CNTNAP2: variants seen among roughly 807,000 people sequenced by gnomAD.
CNTNAP2 encodes contactin associated protein 2, also known as contactin-associated protein-like 2.
A neutral mutation model predicts 155.2 loss-of-function variants in CNTNAP2; 98 were observed. The ratio of observed to expected loss-of-function variants is 0.63; its 90% CI spans 0.54 to 0.75. The LOEUF (loss-of-function observed/expected upper bound fraction) is 0.75. Among genes scored for constraint, CNTNAP2 ranks in the 30% least tolerant of loss-of-function variants. CNTNAP2 has a pLI of 0.00. For missense variants in CNTNAP2, 1,727 were observed against 1,688.1 expected, an observed-to-expected ratio of 1.02 and a Z score of -0.40; for synonymous variants, 651 against 631.2, an observed-to-expected ratio of 1.03 and a Z score of -0.47.
rs577018453 is a variant in CNTNAP2 at position 147,307,190 on chromosome 7, C to T, written c.1498+6900C>T. On this transcript the variant is annotated intron_variant, in intron 9 of 23. Coordinates refer to ENST00000361727, the MANE Select transcript of CNTNAP2 (RefSeq NM_014141.6). ...GAAGAGAACACCACTGGCACCCCAT[C>T]GATATACATTAAATCCCTTAGCAGC... 5.3e-5 allele frequency among the ~76,000 whole-genome samples: 8 copies of T among 152,234 alleles called. No individual in the cohort carries two copies. In the South Asian group the frequency reaches 1.7e-3, roughly 32 times the overall value.
intron 1 of CNTNAP2, among the ~76,000 whole-genome samples, chr7:146,394,770 G>A (rs1639478): frequency 0.13 from 20,409 of 151,874 alleles, 1,664 homozygotes; most frequent in African/African-American, 0.23. Context: ...TTATAGATTT[G>A]GAGGTACAAG....
At chr7:147,074,869 A>C (rs1799965667) in intron 4 of CNTNAP2, among the ~76,000 whole-genome samples, 1 of 152,208 alleles carries the variant, frequency 6.6e-6, no homozygotes. Flanking sequence ...CTATGTTAAT[A>C]GCTGTGCTTG....
chr7:146,194,440 C>T (rs1461974503), intron 1 of CNTNAP2, among the ~76,000 whole-genome samples: 1 of 152,082 alleles, frequency 6.6e-6, no homozygotes, highest in African/African-American at 2.4e-5. Flanking sequence ...TTTATAAAAC[C>T]ATCATATCTT....
intron 21 of CNTNAP2, among the ~76,000 whole-genome samples, chr7:148,361,930 C>T (rs1257713251): frequency 2.6e-5 from 4 of 152,122 alleles, no homozygotes; most frequent in East Asian, 3.9e-4. Context: ...CGGTGGCTCA[C>T]GCCTGTAATC....
intron 3 of CNTNAP2, among the ~76,000 whole-genome samples, chr7:146,956,676 G>C (rs1797444543): frequency 6.6e-6 from 1 of 152,064 alleles, no homozygotes; most frequent in African/African-American, 2.4e-5. Context: ...TGGGATTTAG[G>C]CTTCTGTGTA....
At chr7:147,612,306 C>G (rs548614520) in intron 12 of CNTNAP2, among the ~76,000 whole-genome samples, 2 of 151,882 alleles carry the variant, frequency 1.3e-5, no homozygotes, top group South Asian at 4.2e-4. Context: ...TAAGATACAT[C>G]TTGCTTTCAT....
intron 13 of CNTNAP2, among the ~76,000 whole-genome samples, chr7:147,812,203 C>G (rs1798192207): frequency 6.6e-6 from 1 of 152,104 alleles, no homozygotes; most frequent in Non-Finnish European, 1.5e-5. Context: ...CAAGGCAAGT[C>G]TGTGTCTGAG....
intron 21 of CNTNAP2, among the ~76,000 whole-genome samples, chr7:148,360,884 A>G (rs1798607825): frequency 6.7e-6 from 1 of 148,778 alleles, no homozygotes; most frequent in African/African-American, 2.5e-5. Flanking sequence ...ATCTTGGCTC[A>G]CTGCAACCTC....
At chr7:146,943,821 T>C (rs1340364656) in intron 3 of CNTNAP2, among the ~76,000 whole-genome samples, 5 of 152,286 alleles carry the variant, frequency 3.3e-5, no homozygotes, top group Non-Finnish European at 7.3e-5. Flanking sequence ...AATTACTTAC[T>C]ACTGCAATAC....
At chr7:146,987,701 C>T (rs1301704227) in intron 3 of CNTNAP2, among the ~76,000 whole-genome samples, 1 of 151,930 alleles carries the variant, frequency 6.6e-6, no homozygotes, top group African/African-American at 2.4e-5. Flanking sequence ...TTGTGTACTA[C>T]CAATGCCTAA....
rs545748213 is a variant in CNTNAP2 at position 146,200,942 on chromosome 7, G to T, written c.97+83969G>T. 2.0e-5 allele frequency among the ~76,000 whole-genome samples: 3 copies of T among 152,176 alleles called. No homozygotes were observed. The East Asian group carries it at 5.8e-4, about 29-fold the overall frequency. ...AAAAGGAGTTAATGAAAAGTTTTTTGTTTGTTTGTTTGTAGCCTGGATAAT... is the reference window on the plus strand; with the variant it reads ...AAAAGGAGTTAATGAAAAGTTTTTTTTTTGTTTGTTTGTAGCCTGGATAAT... On this transcript the variant is annotated intron_variant, in intron 1 of 23. Transcript: ENST00000361727.
chr7:146,383,089 T>C (rs1374944226), intron 1 of CNTNAP2, among the ~76,000 whole-genome samples: 1 of 152,174 alleles, frequency 6.6e-6, no homozygotes, highest in Non-Finnish European at 1.5e-5. Flanking sequence ...ATTAATTTAG[T>C]ATCATGGAAA....
At chr7:147,194,645 T>G (rs1393126450) in intron 8 of CNTNAP2, among the ~76,000 whole-genome samples, 1 of 152,204 alleles carries the variant, frequency 6.6e-6, no homozygotes. Context: ...TATCTAATTG[T>G]GGTTTTGACT....
chr7:147,426,112 T>C (rs1797373274), intron 10 of CNTNAP2, among the ~76,000 whole-genome samples: 1 of 152,068 alleles, frequency 6.6e-6, no homozygotes, highest in African/African-American at 2.4e-5. Context: ...TATCAGTCAG[T>C]AATAGGGCTG....
intron 3 of CNTNAP2, among the ~76,000 whole-genome samples, chr7:147,008,963 T>C (rs1798575305): frequency 7.8e-6 from 1 of 127,636 alleles, no homozygotes; most frequent in Admixed American, 7.3e-5. Context: ...GGTGTTTGGA[T>C]TTTTTTTTTT....
At chr7:147,206,160 T>C (rs1468912490) in intron 8 of CNTNAP2, among the ~76,000 whole-genome samples, 1 of 151,832 alleles carries the variant, frequency 6.6e-6, no homozygotes, top group African/African-American at 2.4e-5. Flanking sequence ...TCTTCTCAAC[T>C]CATGCTTACA....
At position 147,638,642 on chromosome 7, in the gene CNTNAP2, A is replaced by G. The variant is rs116631240; in HGVS notation, c.1898-464A>G. On this transcript the variant is annotated intron_variant, in intron 12 of 23. Transcript: ENST00000361727. ...AGTGTGAAGAGAACATTTGTTGACA[A>G]GATGAGGATACATATTCTGATGAGA... 6.1e-3 allele frequency among the ~76,000 whole-genome samples: 933 copies of G among 152,306 alleles called. 10 individuals are homozygous for G. Among genetic ancestry groups the G allele is most frequent in the African/African-American group, 0.021 (868 of 41,562 alleles).
intron 1 of CNTNAP2, among the ~76,000 whole-genome samples, chr7:146,544,092 A>G (rs951262641): frequency 2.6e-5 from 4 of 151,988 alleles, no homozygotes; most frequent in African/African-American, 9.7e-5. Flanking sequence ...ATTACTTGCT[A>G]ATAATTAAAA....
intron 21 of CNTNAP2, among the ~76,000 whole-genome samples, chr7:148,268,201 A>G (rs1457179639): frequency 1.3e-5 from 2 of 152,204 alleles, no homozygotes; most frequent in Non-Finnish European, 2.9e-5. Flanking sequence ...GTGAACTGCA[A>G]TGAAAACAGT....
Sources: allele counts gnomAD v4.1 joint callset (sites outside exome capture counted in the v4.1 genomes callset), GRCh38; gene constraint gnomAD v4.1.1; transcripts MANE v1.5; gene names NCBI Gene and HGNC (gene_info 2026-07-23, HGNC 2026-07-21).